Variants in PIP4K2A observed in about 807,000 individuals in gnomAD.
PIP4K2A encodes phosphatidylinositol-5-phosphate 4-kinase type 2 alpha.
In PIP4K2A, 14 loss-of-function variants were observed where a neutral mutation model predicts 42.9. The observed-to-expected ratio is 0.33, with a 90% CI of 0.22 to 0.51. The LOEUF is 0.51. Ranked by LOEUF, PIP4K2A falls within the 20% of genes least tolerant of loss-of-function variation. The probability of loss-of-function intolerance (pLI) is 0.97; values close to 1 mark genes in which losing one functional copy is unlikely to be tolerated. For missense variants in PIP4K2A, 434 were observed against 519.8 expected, an observed-to-expected ratio of 0.83 and a Z score of 1.61; for synonymous variants, 192 against 192.2, an observed-to-expected ratio of 1.00 and a Z score of 0.01.
chr10:22,583,743 G>A (rs947929239), intron 4 of PIP4K2A, among the ~76,000 whole-genome samples: 3 of 152,334 alleles, frequency 2.0e-5, no homozygotes, highest in African/African-American at 7.2e-5. Context: ...AGTTCAGTAA[G>A]ACTCTCAGAC....
At chr10:22,636,759 T>C (rs908263545) in intron 1 of PIP4K2A, among the ~76,000 whole-genome samples, 5 of 152,240 alleles carry the variant, frequency 3.3e-5, no homozygotes. Flanking sequence ...ATCACACTCC[T>C]AGGTGTTCAC....
intron 1 of PIP4K2A, among the ~76,000 whole-genome samples, chr10:22,656,947 C>T (rs1839113492): frequency 6.6e-6 from 1 of 152,154 alleles, no homozygotes; most frequent in Non-Finnish European, 1.5e-5. Flanking sequence ...ACTTTCAAAA[C>T]TGACTTTCAA....
intron 1 of PIP4K2A, among the ~76,000 whole-genome samples, chr10:22,667,011 T>C (rs1213788416): frequency 1.3e-5 from 2 of 152,184 alleles, no homozygotes; most frequent in Admixed American, 1.3e-4. Flanking sequence ...TTAATAACTA[T>C]AGCAAATAAC....
At chr10:22,620,821 T>G (rs1047112316) in intron 1 of PIP4K2A, among the ~76,000 whole-genome samples, 3 of 152,228 alleles carry the variant, frequency 2.0e-5, no homozygotes, top group Non-Finnish European at 4.4e-5. Flanking sequence ...TTGGGAGACA[T>G]TCCCACAAAT....
At chr10:22,672,230 C>T (rs1007577824) in intron 1 of PIP4K2A, among the ~76,000 whole-genome samples, 6 of 151,440 alleles carry the variant, frequency 4.0e-5, no homozygotes, top group Admixed American at 6.6e-5. Context: ...GCATCAGCAT[C>T]CTGAAAACAA....
At chr10:22,652,626 C>T (rs925783066) in intron 1 of PIP4K2A, among the ~76,000 whole-genome samples, 10 of 152,252 alleles carry the variant, frequency 6.6e-5, no homozygotes, top group East Asian at 3.9e-4. Context: ...TTTTAAAATA[C>T]GCAAATGTGT....
intron 6 of PIP4K2A, among the ~76,000 whole-genome samples, chr10:22,560,422 A>G (rs1163661642): frequency 6.6e-6 from 1 of 152,224 alleles, no homozygotes; most frequent in Non-Finnish European, 1.5e-5. Context: ...CAATTTAAAG[A>G]CCACAAAAGA....
chr10:22,539,834 CTCAGTGGCAGAAAGGAGT>C, intron 9 of PIP4K2A, 119 bp downstream of exon 9: 1 of 706,502 alleles, frequency 1.4e-6, no homozygotes, highest in Non-Finnish European at 2.6e-6. Flanking sequence ...TAGAAAGCAG[CTCAGTGGCAGAAAGGAGT>C]GATCCCTGAG....
chr10:22,654,348 A>G (rs1266032334), intron 1 of PIP4K2A, among the ~76,000 whole-genome samples: 2 of 152,176 alleles, frequency 1.3e-5, no homozygotes, highest in African/African-American at 4.8e-5. Context: ...CACAGCTCTC[A>G]CTTTCCAAGA....
intron 1 of PIP4K2A, among the ~76,000 whole-genome samples, chr10:22,651,063 A>G (rs190953846): frequency 1.3e-5 from 2 of 152,244 alleles, no homozygotes; most frequent in East Asian, 3.9e-4. Flanking sequence ...CTTTCTTAAC[A>G]TCTCCATTTA....
chr10:22,553,789 C>CTTTTTTTTTTTTTTTTTTTTTTTTTTTTT (rs3074629), intron 6 of PIP4K2A, among the ~76,000 whole-genome samples: 1 of 118,520 alleles, frequency 8.4e-6, no homozygotes, highest in African/African-American at 3.2e-5. Context: ...GGTTGAAAAA[C>CTTTTTTTTTTTTTTTTTTTTTTTTTTTTT]TTTTTTTTTT....
Position 22,600,025 on chromosome 10 carries a change from G to A in PIP4K2A, c.339+7902C>T, listed in dbSNP as rs375186631. On this transcript the variant is annotated intron_variant, in intron 3 of 9. Coordinates refer to ENST00000376573, the MANE Select transcript of PIP4K2A (RefSeq NM_005028.5). ...CAGGATTAGTGGAGCCCCCAGAAGGGGGAAGGAAACATAAATGTCAATTTA... is the reference window on the plus strand; with the variant it reads ...CAGGATTAGTGGAGCCCCCAGAAGGAGGAAGGAAACATAAATGTCAATTTA... 4.4e-4 allele frequency among the ~76,000 whole-genome samples: 67 copies of A among 152,252 alleles called. 1 individual carries two copies. In the South Asian group the frequency reaches 0.014, roughly 32 times the overall value.
chr10:22,550,706 C>T lies in PIP4K2A; in HGVS notation c.745G>A (p.Asp249Asn), dbSNP rs750085723. The T allele has an allele frequency of 8.7e-6, 14 of 1,608,160 alleles. No homozygotes were observed. The South Asian group carries it at 1.4e-4, about 16-fold the overall frequency. ...INEGQKIYID[D>N]NNKKVFLEKL... ...TCCAGGAAGACCTTCTTGTTGTTGT[C>T]ATCAATATAAATCTTTTGGCCCTCA... The change falls in exon 7 of 10, where the codon GAC (aspartate) becomes AAC (asparagine). Residue 249 changes from aspartate (D) to asparagine (N), a missense_variant. Asp to Asn is a conservative substitution (Grantham distance 23, BLOSUM62 1). This residue lies in a region of PIP4K2A where 395 missense variants were observed against 444.5 expected (regional missense o/e 0.89). Transcript: ENST00000376573.
intron 4 of PIP4K2A, among the ~76,000 whole-genome samples, chr10:22,585,786 G>A (rs1431929450): frequency 3.9e-5 from 6 of 152,036 alleles, no homozygotes; most frequent in African/African-American, 9.7e-5. Flanking sequence ...AGTAGAGACC[G>A]GATTTCACTG....
intron 3 of PIP4K2A, among the ~76,000 whole-genome samples, chr10:22,603,589 C>T (rs150959092): frequency 3.9e-4 from 59 of 152,322 alleles, no homozygotes; most frequent in Admixed American, 9.2e-4. Context: ...ATCTGGTATG[C>T]AATAGTTTTT....
In PIP4K2A at chr10:22,664,154, CAT is replaced by C. The variant is rs66781717; in HGVS notation, c.144+50027_144+50028del. Among the ~76,000 whole-genome samples, 245 of 62,248 alleles carry C rather than the reference CAT, an allele frequency of 3.9e-3. 11 individuals are homozygous for C. The highest frequency in any genetic ancestry group is 0.016 in the African/African-American group (133 of 8,114). The allele number at this position is 62,248 out of a possible 152,430, so 40.8% of individuals were successfully genotyped here. On this transcript the variant is annotated intron_variant, in intron 1 of 9. Coordinates refer to ENST00000376573, the MANE Select transcript of PIP4K2A (RefSeq NM_005028.5). ...ACATATATATATACATATATATACA[CAT>C]ATATATATATACATATATATATATA...
At chr10:22,705,207 C>T (rs886264287) in intron 1 of PIP4K2A, among the ~76,000 whole-genome samples, 3 of 151,766 alleles carry the variant, frequency 2.0e-5, no homozygotes, top group African/African-American at 2.4e-5. Context: ...ACTTCCGGGT[C>T]GAGTGTCATT....
In PIP4K2A at chr10:22,549,838, CAAAAAAAAAAAAAA is replaced by C. The variant is rs56349240; in HGVS notation, c.792+807_792+820del. Among the ~76,000 whole-genome samples the C allele has an allele frequency of 6.0e-3, 418 of 70,144 alleles. 1 individual carries two copies. The highest frequency in any genetic ancestry group is 0.02 in the African/African-American group (375 of 19,108). The allele number at this position is 70,144 out of a possible 152,430, so 46.0% of individuals were successfully genotyped here. A position where few individuals can be genotyped will look rare whatever the true frequency, so the allele number is the denominator to read the frequency against. The stretch of plus-strand genomic sequence containing the variant: ...CCTAGAAGACAGTGAGAATCCATCT[CAAAAAAAAAAAAAA>C]AAAAAAAAAAAAAAAAAAAAAAGAA... On this transcript the variant is annotated intron_variant, in intron 7 of 9. Coordinates refer to ENST00000376573, the MANE Select transcript of PIP4K2A (RefSeq NM_005028.5).
intron 1 of PIP4K2A, among the ~76,000 whole-genome samples, chr10:22,623,264 TC>T (rs909293830): frequency 2.0e-5 from 3 of 151,878 alleles, no homozygotes; most frequent in Admixed American, 2.0e-4. Context: ...GTGTCTGGGG[TC>T]GGGGGTGAAG....
Sources: allele counts gnomAD v4.1 joint callset (sites outside exome capture counted in the v4.1 genomes callset), GRCh38; gene constraint gnomAD v4.1.1; regional missense constraint gnomAD v4.1.1; transcripts MANE v1.5; gene names NCBI Gene and HGNC (gene_info 2026-07-23, HGNC 2026-07-21).